The following SLC28A3 variants were observed in gnomAD, a reference collection of about 807,000 sequenced individuals.
SLC28A3 encodes the protein concentrative Na(+)-nucleoside cotransporter 3.
Under a neutral mutation model 84.2 loss-of-function variants are expected in SLC28A3, and 68 were observed. That is an observed-to-expected ratio of 0.81 (90% CI 0.66 to 0.99). The LOEUF (loss-of-function observed/expected upper bound fraction) is 0.99. SLC28A3 is among the 50% of genes least tolerant of loss of function. SLC28A3 has a pLI of 0.00. For synonymous variants in SLC28A3, 267 were observed against 303.6 expected, an observed-to-expected ratio of 0.88 and a Z score of 1.25; for missense variants, 712 against 841.5, an observed-to-expected ratio of 0.85 and a Z score of 1.90.
chr9:84,285,800 T>C, intron 13 of SLC28A3, 143 bp downstream of exon 13: 2 of 1,000,096 alleles, frequency 2.0e-6, no homozygotes, highest in Middle Eastern at 3.2e-4. Context: ...AAAAGGTGGG[T>C]GGGAAGTTGG....
chr9:84,340,812 G>A (rs990585649), upstream of SLC28A3: 40 of 599,450 alleles, frequency 6.7e-5, no homozygotes, highest in African/African-American at 6.9e-4. Context: ...TGGTTGGGGT[G>A]GGGCAGAGAG....
intron 9 of SLC28A3, among the ~76,000 whole-genome samples, chr9:84,293,625 T>C (rs532301673): frequency 9.2e-5 from 14 of 152,308 alleles, no homozygotes; most frequent in African/African-American, 3.1e-4. Flanking sequence ...CACATGAACA[T>C]AGGACTCATT....
intron 14 of SLC28A3, 50 bp downstream of exon 14, chr9:84,285,295 T>A (rs550664130): frequency 1.3e-6 from 2 of 1,559,374 alleles, no homozygotes; most frequent in East Asian, 4.5e-5. Context: ...AATAGACGAA[T>A]GCAGGTATGT....
chr9:84,330,011 G>A (rs184353874), intron 1 of SLC28A3, among the ~76,000 whole-genome samples: 144 of 152,224 alleles, frequency 9.5e-4, no homozygotes, highest in African/African-American at 3.3e-3. Flanking sequence ...ATCTTCTACT[G>A]TAATGAACTA....
At chr9:84,294,784 T>C (rs1454316897) in intron 8 of SLC28A3, among the ~76,000 whole-genome samples, 2 of 152,066 alleles carry the variant, frequency 1.3e-5, no homozygotes, top group African/African-American at 2.4e-5. Context: ...GACCCTATGG[T>C]CTAAGCGTGT....
chr9:84,322,186 G>T (rs866015901), intron 1 of SLC28A3, among the ~76,000 whole-genome samples: 1 of 152,192 alleles, frequency 6.6e-6, no homozygotes, highest in African/African-American at 2.4e-5. Flanking sequence ...CTAAATTCAA[G>T]AACAGGAAAT....
At chr9:84,319,248 A>T (rs1218630516) in intron 1 of SLC28A3, among the ~76,000 whole-genome samples, 1 of 152,212 alleles carries the variant, frequency 6.6e-6, no homozygotes, top group African/African-American at 2.4e-5. Flanking sequence ...AGCTTTATTT[A>T]TCTATGACAT....
At position 84,299,632 on chromosome 9, in the gene SLC28A3, C is replaced by T. The variant is rs768077872; in HGVS notation, c.618G>A (p.Gly206=). ...ATAACAGGACAATGTACATTATGAGCCCACCGAAGGACACCAGCTGCTGTT... is the reference window on the plus strand; with the variant it reads ...ATAACAGGACAATGTACATTATGAGTCCACCGAAGGACACCAGCTGCTGTT... ...LGQQQLVSFG[G]LIMYIVLLFL... is the part of the protein sequence containing the mutation. Residue 206 remains glycine, a synonymous_variant, in exon 6 of 18, where the codon GGG becomes GGA. Coordinates refer to ENST00000376238, the MANE Select transcript of SLC28A3 (RefSeq NM_001199633.2). 3 of 1,613,734 alleles carry T rather than the reference C, an allele frequency of 1.9e-6. No homozygotes were observed. The Admixed American group carries it at 5.0e-5, about 27-fold the overall frequency.
intron 4 of SLC28A3, 33 bp downstream of exon 4, chr9:84,305,221 A>G (rs1164858245): frequency 6.9e-7 from 1 of 1,456,938 alleles, no homozygotes; most frequent in South Asian, 1.2e-5. Context: ...AAAAAAAAAG[A>G]CAGTGGTATC....
At chr9:84,356,897 C>T in the SLC28A3 span, among the ~76,000 whole-genome samples, 10 of 152,122 alleles carry the variant, frequency 6.6e-5, no homozygotes, top group East Asian at 9.7e-4. Flanking sequence ...GAGACCCGCC[C>T]TGATTCTATT....
chr9:84,309,612 T>C lies in SLC28A3; in HGVS notation c.242+17A>G, dbSNP rs1236296358. ...CGGGAGGTAGGCTTGGTTATTTCCC[T>C]GTTTTAAAGACTGTACCCTTTTTGT... is the stretch of plus-strand genomic sequence containing the variant. On this transcript the variant is annotated intron_variant, in intron 3 of 17. Coordinates refer to ENST00000376238, the MANE Select transcript of SLC28A3 (RefSeq NM_001199633.2). 20 of 1,598,492 alleles carry C rather than the reference T, an allele frequency of 1.3e-5. No individual in the cohort carries two copies. Among genetic ancestry groups the C allele is most frequent in the Admixed American group, 8.5e-5 (5 of 58,934 alleles).
In SLC28A3 at chr9:84,339,312, C is replaced by T. The variant is rs924904719; in HGVS notation, c.60+1262G>A. 7.2e-4 allele frequency among the ~76,000 whole-genome samples: 110 copies of T among 152,182 alleles called. 1 individual carries two copies. Among genetic ancestry groups the T allele is most frequent in the African/African-American group, 2.6e-3 (110 of 41,534 alleles). ...TCAACCAGGCTGGAGTACAGAGGCACGATCTTGGCTCACTGCAGCCTCTGC... is the reference window on the plus strand; with the variant it reads ...TCAACCAGGCTGGAGTACAGAGGCATGATCTTGGCTCACTGCAGCCTCTGC... On this transcript the variant is annotated intron_variant, in intron 1 of 17. Transcript: ENST00000376238.
At position 84,276,203 on chromosome 9, in the gene SLC28A3, T is replaced by TATCA. The variant is rs1172798311; in HGVS notation, c.*2011_*2014dup. On this transcript the variant is annotated 3_prime_UTR_variant, in exon 18 of 18. Transcript: ENST00000376238. ...TGAAATCTAAACATGGATTAAGTAT[T>TATCA]ATCAGTAAAACTTTAGTGTCTCAAC... is the stretch of plus-strand genomic sequence containing the variant. 4 of 152,162 alleles carry TATCA rather than the reference T, an allele frequency of 2.6e-5. No individual in the cohort carries two copies. Among genetic ancestry groups the TATCA allele is most frequent in the African/African-American group, 9.7e-5 (4 of 41,440 alleles). 9.4% of individuals were successfully genotyped at this position (152,162 alleles called of 1,614,324 possible). A position where few individuals can be genotyped will look rare whatever the true frequency, so the allele number is the denominator to read the frequency against.
chr9:84,289,426 A>G (rs1825124753), intron 11 of SLC28A3, among the ~76,000 whole-genome samples: 1 of 152,182 alleles, frequency 6.6e-6, no homozygotes, highest in South Asian at 2.1e-4. Flanking sequence ...TGCACGCACC[A>G]GTTATAACAT....
At chr9:84,308,046 G>C (rs1825861771) in intron 3 of SLC28A3, among the ~76,000 whole-genome samples, 1 of 152,132 alleles carries the variant, frequency 6.6e-6, no homozygotes, top group South Asian at 2.1e-4. Flanking sequence ...ATGTATATGT[G>C]ACAAGAGCTG....
chr9:84,313,530 G>T, intron 1 of SLC28A3, 76 bp from the exon 2 acceptor site: 1 of 1,112,192 alleles, frequency 9.0e-7, no homozygotes, highest in Non-Finnish European at 1.3e-6. Flanking sequence ...AAAATACCTA[G>T]AGGAATTTGG....
At chr9:84,339,658 TGAA>T (rs1202656542) in intron 1 of SLC28A3, among the ~76,000 whole-genome samples, 1 of 152,198 alleles carries the variant, frequency 6.6e-6, no homozygotes, top group African/African-American at 2.4e-5. Context: ...AGAGGGTAGA[TGAA>T]GTTGTTTCCT....
chr9:84,364,250 G>A, the SLC28A3 span, among the ~76,000 whole-genome samples: 15 of 150,482 alleles, frequency 1.0e-4, no homozygotes, highest in South Asian at 2.7e-3. Context: ...TCAGCCTCCC[G>A]AGTGGCTTAT....
chr9:84,297,892 T>C lies in SLC28A3; in HGVS notation c.783+14A>G. 1 of 1,586,988 alleles carries C rather than the reference T, an allele frequency of 6.3e-7. No homozygotes were observed. The highest frequency in any genetic ancestry group is 8.5e-7 in the Non-Finnish European group (1 of 1,172,580). On this transcript the variant is annotated intron_variant, in intron 7 of 17. Transcript: ENST00000376238. ...GCACCATAAAAGCAAAGTGTTCTTT[T>C]GAACCAAACTTACCTGAACTTGTCT... is the stretch of plus-strand genomic sequence containing the variant.
Sources: gnomAD v4.1 joint callset for allele counts (sites outside exome capture counted in the v4.1 genomes callset) on GRCh38, gnomAD v4.1.1 for gene constraint, MANE v1.5 for transcripts, NCBI Gene and HGNC (gene_info 2026-07-23, HGNC 2026-07-21) for gene names.